Variants in P2RX1 observed in about 807,000 individuals in gnomAD.
P2RX1 encodes the protein purinergic receptor P2X 1, also known as P2X purinoceptor 1.
Under a neutral mutation model 50.3 loss-of-function variants are expected in P2RX1, and 42 were observed. The observed-to-expected ratio is 0.83, with a 90% CI of 0.65 to 1.08. P2RX1 has a LOEUF of 1.08. Among genes scored for constraint, P2RX1 ranks in the 50% least tolerant of loss-of-function variants. P2RX1 has a pLI of 0.00. For synonymous variants in P2RX1, 199 were observed against 202.6 expected, an observed-to-expected ratio of 0.98 and a Z score of 0.15; for missense variants, 449 against 529.0, an observed-to-expected ratio of 0.85 and a Z score of 1.48.
In P2RX1 at chr17:3,901,281, A is replaced by C. The variant is rs376310833; in HGVS notation, c.748-1520T>G. Among the ~76,000 whole-genome samples, 177 of 152,288 alleles carry C rather than the reference A, an allele frequency of 1.2e-3. 1 individual carries two copies. The highest frequency in any genetic ancestry group is 3.5e-3 in the East Asian group (18 of 5,194). On this transcript the variant is annotated intron_variant, in intron 7 of 11. Coordinates refer to ENST00000225538, the MANE Select transcript of P2RX1 (RefSeq NM_002558.4). ...ACGGGGTTTCACCGTGTTAGCCAGG[A>C]TGGTCTCGATCTCCTGACCTCGTGA...
At chr17:3,904,954 G>T in intron 2 of P2RX1, 25 bp from the exon 3 acceptor site, 1 of 1,289,906 alleles carries the variant, frequency 7.8e-7, no homozygotes, top group Non-Finnish European at 1.1e-6. Context: ...CAGGGGGAGG[G>T]TGGGGTGGGC....
In P2RX1 at chr17:3,899,723, G is replaced by C. The variant is rs562395128; in HGVS notation, c.786C>G (p.Asp262Glu). The C allele has an allele frequency of 6.2e-7, 1 of 1,614,004 alleles. No individual in the cohort carries two copies. Among genetic ancestry groups the C allele is most frequent in the Non-Finnish European group, 8.5e-7 (1 of 1,179,924 alleles). The change falls in exon 8 of 12, where the codon GAC becomes GAG. Residue 262 changes from aspartate (D) to glutamate (E), a missense_variant. Coordinates refer to ENST00000225538, the MANE Select transcript of P2RX1 (RefSeq NM_002558.4). Reference sequence around the variant, plus strand: ...TGCAGTGCCGTACGTGCCAGTCCAGGTCACAGTGCCAGTCGATGGTGATGC... The same window carrying C: ...TGCAGTGCCGTACGTGCCAGTCCAGCTCACAGTGCCAGTCGATGGTGATGC... ...VVGITIDWHC[D>E]LDWHVRHCRP...
intron 1 of P2RX1, among the ~76,000 whole-genome samples, chr17:3,909,967 A>ATT (rs1447097598): frequency 7.3e-6 from 1 of 136,942 alleles, no homozygotes. Flanking sequence ...GTCCTGATAA[A>ATT]TTCTTTTTTT....
At chr17:3,915,970 G>T in intron 1 of P2RX1, 119 bp downstream of exon 1, 1 of 1,183,938 alleles carries the variant, frequency 8.4e-7, no homozygotes, top group African/African-American at 1.5e-5. Context: ...TTGCCAGGAA[G>T]GCCTTCCCCT....
chr17:3,899,691 A>G lies in P2RX1; in HGVS notation c.818T>C (p.Ile273Thr). The change falls in exon 8 of 12, where the codon ATC becomes ACC. Residue 273 changes from isoleucine to threonine, a missense_variant. By Grantham distance (89) the Ile-to-Thr change is moderately conservative (BLOSUM62 -1). Transcript: ENST00000225538. ...TTCGTACAGCCCATGGAACTCATAG[A>G]TGGGTCTGCAGTGCCGTACGTGCCA... ...LDWHVRHCRPIYEFHGLYEEK... is the reference protein window; with the variant it reads ...LDWHVRHCRPTYEFHGLYEEK... The G allele has an allele frequency of 6.2e-7, 1 of 1,613,964 alleles. No individual in the cohort carries two copies. Among genetic ancestry groups the G allele is most frequent in the Non-Finnish European group, 8.5e-7 (1 of 1,179,898 alleles).
chr17:3,897,969 C>T (rs368228047), intron 11 of P2RX1, 40 bp downstream of exon 11: 198 of 1,610,054 alleles, frequency 1.2e-4, no homozygotes, highest in South Asian at 1.5e-4. Flanking sequence ...ACACAAGCGC[C>T]GGAGGCCTTC....
intron 9 of P2RX1, 76 bp from the exon 10 acceptor site, chr17:3,898,625 G>A (rs764926311): frequency 2.6e-5 from 30 of 1,139,388 alleles, no homozygotes; most frequent in Non-Finnish European, 3.2e-5. Context: ...CCTGGGACAA[G>A]GGGACTTCCC....
At chr17:3,901,289 G>C (rs2005831) in intron 7 of P2RX1, among the ~76,000 whole-genome samples, 46 of 152,136 alleles carry the variant, frequency 3.0e-4, no homozygotes, top group East Asian at 7.7e-4. Context: ...GGATGGTCTC[G>C]ATCTCCTGAC....
chr17:3,910,364 T>A (rs949537599), intron 1 of P2RX1, among the ~76,000 whole-genome samples: 2 of 152,188 alleles, frequency 1.3e-5, no homozygotes, highest in Non-Finnish European at 2.9e-5. Flanking sequence ...CTTTAGAACT[T>A]GTTCCCCTGT....
At chr17:3,901,269 G>T (rs111464539) in intron 7 of P2RX1, among the ~76,000 whole-genome samples, 12 of 152,138 alleles carry the variant, frequency 7.9e-5, no homozygotes, top group Admixed American at 2.6e-4. Context: ...GGGTTTCACC[G>T]TGTTAGCCAG....
chr17:3,913,984 A>G (rs991278814), intron 1 of P2RX1, among the ~76,000 whole-genome samples: 1 of 152,084 alleles, frequency 6.6e-6, no homozygotes, highest in Non-Finnish European at 1.5e-5. Context: ...CCTGGCTGAG[A>G]GGTCAGTGCA....
chr17:3,901,478 T>C (rs2143979338), intron 7 of P2RX1, among the ~76,000 whole-genome samples: 1 of 152,322 alleles, frequency 6.6e-6, no homozygotes, highest in Admixed American at 6.5e-5. Flanking sequence ...GGCCTGATCA[T>C]GGCCAGGTCC....
At chr17:3,899,099 G>A (rs2056087007) in intron 8 of P2RX1, 75 bp from the exon 9 acceptor site, 1 of 1,000,560 alleles carries the variant, frequency 1.0e-6, no homozygotes, top group Non-Finnish European at 1.6e-6. Context: ...GCGCATCAGG[G>A]ATACAGGAGA....
At chr17:3,906,352 C>T (rs550847069) in intron 1 of P2RX1, among the ~76,000 whole-genome samples, 10 of 152,072 alleles carry the variant, frequency 6.6e-5, no homozygotes, top group South Asian at 2.1e-4. Context: ...AGGATGTTCT[C>T]GATCTCTTGA....
rs935629666 is a variant in P2RX1 at position 3,916,241 on chromosome 17, G to C, written c.-16C>G. 8 of 1,612,354 alleles carry C rather than the reference G, an allele frequency of 5.0e-6. No homozygotes were observed. The African/African-American group carries it at 1.1e-4, about 22-fold the overall frequency. On this transcript the variant is annotated 5_prime_UTR_variant, in exon 1 of 12. Coordinates refer to ENST00000225538, the MANE Select transcript of P2RX1 (RefSeq NM_002558.4). ...GCCGTGCCATGGTGGGCCGGCTGGGGCTCAGAACTGAGCCCCCTGCACGGC... is the reference window on the plus strand; with the variant it reads ...GCCGTGCCATGGTGGGCCGGCTGGGCCTCAGAACTGAGCCCCCTGCACGGC...
Position 3,897,756 on chromosome 17 carries a change from A to T in P2RX1, c.*58T>A. 6.5e-7 allele frequency: 1 copy of T among 1,538,208 alleles called. No individual in the cohort carries two copies. The highest frequency in any genetic ancestry group is 8.9e-7 in the Non-Finnish European group (1 of 1,118,780). ...GGCCCCTCTGCCCTGGCTGGGACCCACCAGGGCTCCAGGCTGAAGCCTCAC... is the reference window on the plus strand; with the variant it reads ...GGCCCCTCTGCCCTGGCTGGGACCCTCCAGGGCTCCAGGCTGAAGCCTCAC... On this transcript the variant is annotated 3_prime_UTR_variant, in exon 12 of 12. Transcript: ENST00000225538.
Position 3,903,053 on chromosome 17 carries a change from C to G in P2RX1, c.747+149G>C, listed in dbSNP as rs984904291. 1 of 1,028,856 alleles carries G rather than the reference C, an allele frequency of 9.7e-7. No homozygotes were observed. The allele number at this position is 1,028,856 out of a possible 1,614,324, so 63.7% of individuals were successfully genotyped here. A position where few individuals can be genotyped will look rare whatever the true frequency, so the allele number is the denominator to read the frequency against. ...GGACCTGCTGAAGACATGGATCTGA[C>G]GCTCAGGGGGCCCCAGTATCAGGGG... On this transcript the variant is annotated intron_variant, in intron 7 of 11. Coordinates refer to ENST00000225538, the MANE Select transcript of P2RX1 (RefSeq NM_002558.4). This position sits in a 1 kb window ranked among gnomAD's most constrained non-coding sequence, Gnocchi z 4.6.
At chr17:3,906,133 G>A (rs1287939111) in intron 1 of P2RX1, among the ~76,000 whole-genome samples, 2 of 152,204 alleles carry the variant, frequency 1.3e-5, no homozygotes, top group Admixed American at 1.3e-4. Flanking sequence ...AATAATAACG[G>A]TACTTCTTTT....
At chr17:3,907,015 T>C (rs1279697779) in intron 1 of P2RX1, among the ~76,000 whole-genome samples, 1 of 152,136 alleles carries the variant, frequency 6.6e-6, no homozygotes, top group Non-Finnish European at 1.5e-5. Context: ...ATCCTGACAA[T>C]GAAGCTCTCC....
Sources: allele counts gnomAD v4.1 joint callset (sites outside exome capture counted in the v4.1 genomes callset), GRCh38; gene constraint gnomAD v4.1.1; non-coding constraint Gnocchi (gnomAD v3.1); transcripts MANE v1.5; gene names NCBI Gene and HGNC (gene_info 2026-07-23, HGNC 2026-07-21).